Variants in TSLP observed in about 807,000 individuals in gnomAD.
TSLP encodes thymic stromal lymphopoietin.
TSLP carries 12 observed loss-of-function variants against 12.4 expected under a neutral mutation model. The ratio of observed to expected loss-of-function variants is 0.97; its 90% CI spans 0.62 to 1.57. The LOEUF is 1.57. TSLP is among the 40% of genes most tolerant of loss of function. The pLI, the probability that TSLP is intolerant of heterozygous loss-of-function variation, is 0.00. For synonymous variants in TSLP, 97 were observed against 69.5 expected, an observed-to-expected ratio of 1.40 and a Z score of -1.97; for missense variants, 222 against 189.6, an observed-to-expected ratio of 1.17 and a Z score of -1.00.
chr5:111,071,860 G>A lies in TSLP; in HGVS notation c.-31G>A, dbSNP rs1752344338. 9.3e-6 allele frequency: 15 copies of A among 1,606,918 alleles called. No individual in the cohort carries two copies. The highest frequency in any genetic ancestry group is 1.3e-5 in the Non-Finnish European group (15 of 1,174,964). On this transcript the variant is annotated 5_prime_UTR_variant, in exon 1 of 4. It adds an upstream start codon to the 5' untranslated region. Coordinates refer to ENST00000344895, the MANE Select transcript of TSLP (RefSeq NM_033035.5). ...ACACTCGTGGTGGGAAGAGTTTAGT[G>A]TGAAACTGGGGTGGAATTGGGTGTC...
rs1367071533 is a variant in TSLP at position 111,076,930 on chromosome 5, C to G, written c.*856C>G. 2 of 152,174 alleles carry G rather than the reference C, an allele frequency of 1.3e-5. No individual in the cohort carries two copies. The highest frequency in any genetic ancestry group is 4.8e-5 in the African/African-American group (2 of 41,422). 9.4% of individuals were successfully genotyped at this position (152,174 alleles called of 1,614,324 possible). On this transcript the variant is annotated 3_prime_UTR_variant, in exon 4 of 4. Transcript: ENST00000344895. Reference sequence around the variant, plus strand: ...CTGCTCCCCTTTATACCTGTTGGCCCTGCCTATAGGAGAGAATATTTGGAG... The same window carrying G: ...CTGCTCCCCTTTATACCTGTTGGCCGTGCCTATAGGAGAGAATATTTGGAG...
In TSLP at chr5:111,071,753, A is replaced by G; in HGVS notation, c.-138A>G. ...ACTTAAGGCAACAGCATGGGTGAATAAGGGCTTCCTGTGGACTGGCAATGA... is the reference window on the plus strand; with the variant it reads ...ACTTAAGGCAACAGCATGGGTGAATGAGGGCTTCCTGTGGACTGGCAATGA... On this transcript the variant is annotated 5_prime_UTR_variant, in exon 1 of 4. In the 5' UTR this introduces an upstream ATG that the reference lacks. Coordinates refer to ENST00000344895, the MANE Select transcript of TSLP (RefSeq NM_033035.5). The G allele has an allele frequency of 7.9e-7, 1 of 1,263,662 alleles. No individual in the cohort carries two copies. The highest frequency in any genetic ancestry group is 1.1e-6 in the Non-Finnish European group (1 of 906,808). The allele number at this position is 1,263,662 out of a possible 1,614,324, so 78.3% of individuals were successfully genotyped here.
chr5:111,070,167 G>A (rs577871112), upstream of TSLP: 1 of 152,072 alleles, frequency 6.6e-6, no homozygotes, highest in South Asian at 2.1e-4. Flanking sequence ...TGAAGTCAGC[G>A]GTGAATCAGA....
chr5:111,073,040 G>C (rs1167818502), intron 2 of TSLP, 108 bp downstream of exon 2: 2 of 1,354,872 alleles, frequency 1.5e-6, no homozygotes, highest in Admixed American at 4.0e-5. Context: ...TGGGCTCCGG[G>C]ACGCCGCCGC....
chr5:111,075,769 G>C (rs928627959), intron 3 of TSLP, among the ~76,000 whole-genome samples, 177 bp from the exon 4 acceptor site: 1 of 152,148 alleles, frequency 6.6e-6, no homozygotes, highest in Non-Finnish European at 1.5e-5. Context: ...AAAAGTAGGT[G>C]GGTACAGAAA....
Position 111,075,977 on chromosome 5 carries a change from G to A in TSLP, c.383G>A (p.Arg128Lys). ...INATQAMKKR[R>K]KRKVTTNKCL... Reference sequence around the variant, plus strand: ...GCTACTCAGGCAATGAAGAAGAGGAGAAAAAGGAAAGTCACAACCAATAAA... The same window carrying A: ...GCTACTCAGGCAATGAAGAAGAGGAAAAAAAGGAAAGTCACAACCAATAAA... The change falls in exon 4 of 4, where the codon AGA becomes AAA. Residue 128 changes from arginine to lysine, a missense_variant. Coordinates refer to ENST00000344895, the MANE Select transcript of TSLP (RefSeq NM_033035.5). 6.2e-7 allele frequency: 1 copy of A among 1,613,722 alleles called. No individual in the cohort carries two copies. The highest frequency in any genetic ancestry group is 8.5e-7 in the Non-Finnish European group (1 of 1,179,872).
At chr5:111,075,795 C>A (rs1752487720) in intron 3 of TSLP, 151 bp from the exon 4 acceptor site, 2 of 763,596 alleles carry the variant, frequency 2.6e-6, no homozygotes, top group African/African-American at 1.8e-5. Context: ...AGGCATTCCC[C>A]TGGAAAAGGC....
intron 3 of TSLP, 35 bp downstream of exon 3, chr5:111,073,680 G>C: frequency 6.3e-7 from 1 of 1,593,982 alleles, no homozygotes; most frequent in South Asian, 1.1e-5. Context: ...GCTGTACCTT[G>C]GGGCTAACCT....
chr5:111,073,614 C>G lies in TSLP; in HGVS notation c.320C>G (p.Ala107Gly). Residue 107 changes from alanine (A) to glycine (G), a missense_variant, in exon 3 of 4, where the codon GCT (alanine) becomes GGT (glycine). By Grantham distance (60) the Ala-to-Gly change is moderately conservative (BLOSUM62 0). Coordinates refer to ENST00000344895, the MANE Select transcript of TSLP (RefSeq NM_033035.5). ...MFAMKTKAAL[A>G]IWCPGYSETQ... ...GCCATGAAAACTAAGGCTGCCTTAG[C>G]TATCTGGTGCCCAGGCTATTCGGAA... 1 of 1,614,216 alleles carries G rather than the reference C, an allele frequency of 6.2e-7. No homozygotes were observed. Among genetic ancestry groups the G allele is most frequent in the Non-Finnish European group, 8.5e-7 (1 of 1,180,032 alleles).
At chr5:111,075,897 C>G in intron 3 of TSLP, 49 bp from the exon 4 acceptor site, 1 of 1,595,532 alleles carries the variant, frequency 6.3e-7, no homozygotes, top group Non-Finnish European at 8.6e-7. Context: ...TCAACAGTTA[C>G]TAAAGATAGT....
chr5:111,076,004 G>C lies in TSLP; in HGVS notation c.410G>C (p.Cys137Ser), dbSNP rs140730628. The change falls in exon 4 of 4, where the codon TGT becomes TCT. Residue 137 changes from cysteine (C) to serine (S), a missense_variant. Coordinates refer to ENST00000344895, the MANE Select transcript of TSLP (RefSeq NM_033035.5). Reference protein sequence around the residue: ...RRKRKVTTNKCLEQVSQLQGL... With the variant: ...RRKRKVTTNKSLEQVSQLQGL... ...AAAAGGAAAGTCACAACCAATAAAT[G>C]TCTGGAACAAGTGTCACAATTACAA... 371 of 1,614,004 alleles carry C rather than the reference G, an allele frequency of 2.3e-4. No individual in the cohort carries two copies. Among genetic ancestry groups the C allele is most frequent in the Middle Eastern group, 3.3e-4 (2 of 6,084 alleles).
chr5:111,072,109 T>A (rs1221038210), intron 1 of TSLP, 48 bp downstream of exon 1: 3 of 1,506,366 alleles, frequency 2.0e-6, no homozygotes, highest in Non-Finnish European at 2.7e-6. Flanking sequence ...ATCAGAGGAG[T>A]CGGCATACAC....
Position 111,073,614 on chromosome 5 carries a change from C to A in TSLP, c.320C>A (p.Ala107Asp). The A allele has an allele frequency of 6.2e-7, 1 of 1,614,216 alleles. No homozygotes were observed. The change falls in exon 3 of 4, where the codon GCT becomes GAT. Residue 107 changes from alanine (A) to aspartate (D), a missense_variant. By Grantham distance (126) the Ala-to-Asp change is moderately radical. Coordinates refer to ENST00000344895, the MANE Select transcript of TSLP (RefSeq NM_033035.5). ...GCCATGAAAACTAAGGCTGCCTTAG[C>A]TATCTGGTGCCCAGGCTATTCGGAA... ...MFAMKTKAALAIWCPGYSETQ... is the reference protein window; with the variant it reads ...MFAMKTKAALDIWCPGYSETQ...
At chr5:111,072,187 C>A in intron 1 of TSLP, 126 bp downstream of exon 1, 1 of 800,738 alleles carries the variant, frequency 1.2e-6, no homozygotes, top group Non-Finnish European at 1.9e-6. Context: ...CACATTTTGT[C>A]AAGGATTCTT....
chr5:111,076,152 T>G lies in TSLP; in HGVS notation c.*78T>G, dbSNP rs766974904. 3.1e-5 allele frequency: 47 copies of G among 1,503,894 alleles called. No homozygotes were observed. The highest frequency in any genetic ancestry group is 1.8e-4 in the Admixed American group (9 of 50,606). 93.2% of individuals were successfully genotyped at this position (1,503,894 alleles called of 1,614,324 possible). ...AAGTAGATGAAACATTAACTCTAAC[T>G]GTGACAAAGAAGACCACAAATAGTT... On this transcript the variant is annotated 3_prime_UTR_variant, in exon 4 of 4. Coordinates refer to ENST00000344895, the MANE Select transcript of TSLP (RefSeq NM_033035.5).
In TSLP at chr5:111,073,579, A is replaced by T; in HGVS notation, c.285A>T (p.Lys95Asn). ...NPTAGCASLAKEMFAMKTKAA... is the reference protein window; with the variant it reads ...NPTAGCASLANEMFAMKTKAA... Reference sequence around the variant, plus strand: ...CCGCCGGCTGCGCGTCGCTCGCCAAAGAAATGTTCGCCATGAAAACTAAGG... The same window carrying T: ...CCGCCGGCTGCGCGTCGCTCGCCAATGAAATGTTCGCCATGAAAACTAAGG... Residue 95 changes from lysine to asparagine, a missense_variant, in exon 3 of 4, where the codon AAA becomes AAT. Transcript: ENST00000344895. The T allele has an allele frequency of 6.2e-7, 1 of 1,614,210 alleles. No homozygotes were observed.
Position 111,073,620 on chromosome 5 carries a change from G to T in TSLP, c.326G>T (p.Trp109Leu), listed in dbSNP as rs747846561. Reference sequence around the variant, plus strand: ...AAAACTAAGGCTGCCTTAGCTATCTGGTGCCCAGGCTATTCGGAAACTCAG... The same window carrying T: ...AAAACTAAGGCTGCCTTAGCTATCTTGTGCCCAGGCTATTCGGAAACTCAG... ...AMKTKAALAIWCPGYSETQIN... is the reference protein window; with the variant it reads ...AMKTKAALAILCPGYSETQIN... The change falls in exon 3 of 4, where the codon TGG becomes TTG. Residue 109 changes from tryptophan (W) to leucine (L), a missense_variant. Physicochemically the swap from Trp to Leu is moderately conservative, Grantham distance 61 (BLOSUM62 -2). Coordinates refer to ENST00000344895, the MANE Select transcript of TSLP (RefSeq NM_033035.5). 6.2e-7 allele frequency: 1 copy of T among 1,614,186 alleles called. No individual in the cohort carries two copies. The highest frequency in any genetic ancestry group is 8.5e-7 in the Non-Finnish European group (1 of 1,180,050).
upstream of TSLP, chr5:111,070,693 G>C (rs1012151738): frequency 2.0e-5 from 3 of 152,346 alleles, no homozygotes; most frequent in African/African-American, 7.2e-5. Flanking sequence ...GAGTTTGCTA[G>C]TAAAAATCTG....
At chr5:111,070,517 G>T (rs1463279802), upstream of TSLP, 1 of 152,706 alleles carries the variant, frequency 6.5e-6, no homozygotes, top group Non-Finnish European at 1.5e-5. Context: ...AAGCCAGGGA[G>T]GAGCAGGGGG....
Sources: gnomAD v4.1 joint callset for allele counts (sites outside exome capture counted in the v4.1 genomes callset) on GRCh38, gnomAD v4.1.1 for gene constraint, MANE v1.5 for transcripts, NCBI Gene and HGNC (gene_info 2026-07-23, HGNC 2026-07-21) for gene names.